The following CHODL variants were observed in gnomAD, a reference collection of about 807,000 sequenced individuals.
CHODL encodes transmembrane protein MT75.
Under a neutral mutation model 34.5 loss-of-function variants are expected in CHODL, and 29 were observed. The observed-to-expected ratio is 0.84, with a 90% CI of 0.63 to 1.15. The LOEUF (loss-of-function observed/expected upper bound fraction) is 1.15. Among genes scored for constraint, CHODL ranks in the 50% most tolerant of loss-of-function variants. The pLI, the probability that CHODL is intolerant of heterozygous loss-of-function variation, is 0.00. For synonymous variants in CHODL, 125 were observed against 116.1 expected, an observed-to-expected ratio of 1.08 and a Z score of -0.49; for missense variants, 332 against 332.5, an observed-to-expected ratio of 1.00 and a Z score of 0.01.
Position 18,266,111 on chromosome 21 carries a change from G to A in CHODL, c.*73G>A. ...AGGAATGGCATCAGAACAATAGCTT[G>A]GAATGGCTTGAAATCACAAAGGATC... On this transcript the variant is annotated 3_prime_UTR_variant, in exon 6 of 6. Transcript: ENST00000299295. 1 of 1,611,516 alleles carries A rather than the reference G, an allele frequency of 6.2e-7. No homozygotes were observed.
At chr21:18,010,177 G>A (rs1377175515) in intron 1 of CHODL, among the ~76,000 whole-genome samples, 1 of 138,932 alleles carries the variant, frequency 7.2e-6, no homozygotes, top group Non-Finnish European at 1.5e-5. Context: ...GGGCCCTGTA[G>A]TCCCAGCTAC....
intron 2 of CHODL, among the ~76,000 whole-genome samples, chr21:18,181,202 C>T (rs1271730417): frequency 1.3e-5 from 2 of 152,078 alleles, no homozygotes; most frequent in African/African-American, 4.8e-5. Context: ...GAATTGTGAA[C>T]TGTTATGTAT....
At chr21:17,991,661 T>A (rs1485124703) in intron 1 of CHODL, among the ~76,000 whole-genome samples, 1 of 73,148 alleles carries the variant, frequency 1.4e-5, no homozygotes, top group East Asian at 2.5e-4. Flanking sequence ...TTATTTGATT[T>A]TTTTTTTTTT....
At chr21:18,180,297 C>T (rs2073366608) in intron 2 of CHODL, among the ~76,000 whole-genome samples, 1 of 152,084 alleles carries the variant, frequency 6.6e-6, no homozygotes. Context: ...GGACCACAGG[C>T]ACGCACCACC....
chr21:18,226,866 A>C (rs1361553150), intron 2 of CHODL, among the ~76,000 whole-genome samples: 1 of 152,156 alleles, frequency 6.6e-6, no homozygotes, highest in African/African-American at 2.4e-5. Context: ...ACATTTTCTG[A>C]AACATTGCTA....
intron 4 of CHODL, 83 bp downstream of exon 4, chr21:18,260,369 TG>T (rs2074366168): frequency 2.3e-6 from 2 of 851,606 alleles, no homozygotes; most frequent in Admixed American, 5.3e-5. Context: ...CAGTGAAACT[TG>T]TCTTGCCTGG....
At chr21:18,090,428 A>G (rs1273355878) in intron 2 of CHODL, among the ~76,000 whole-genome samples, 1 of 152,200 alleles carries the variant, frequency 6.6e-6, no homozygotes, top group Non-Finnish European at 1.5e-5. Context: ...TTGAAACATA[A>G]AAGAGAAAGA....
intron 2 of CHODL, among the ~76,000 whole-genome samples, chr21:18,086,943 T>C (rs1001315126): frequency 1.3e-5 from 2 of 152,076 alleles, no homozygotes; most frequent in Non-Finnish European, 2.9e-5. Flanking sequence ...GTGGCAGTGG[T>C]TAGAGCAATC....
chr21:18,044,107 C>T (rs2064411353), intron 2 of CHODL, among the ~76,000 whole-genome samples: 1 of 151,952 alleles, frequency 6.6e-6, no homozygotes, highest in African/African-American at 2.4e-5. Context: ...TTGAATTCTT[C>T]AGTAAACTGA....
At chr21:18,248,921 ATATGTATACATATATAT>A (rs1202711260) in intron 1 of CHODL, among the ~76,000 whole-genome samples, 6 of 115,030 alleles carry the variant, frequency 5.2e-5, no homozygotes, top group East Asian at 2.2e-4. Context: ...TAATACATAT[ATATGTATACATATATAT>A]TATGTATACA....
chr21:18,149,268 C>T (rs751362848), intron 2 of CHODL, among the ~76,000 whole-genome samples: 2 of 152,182 alleles, frequency 1.3e-5, no homozygotes, highest in Non-Finnish European at 2.9e-5. Context: ...AAAGGGGGCT[C>T]ACACTGAATG....
rs139423531 is a variant in CHODL, at chr21:17,926,666, C to T, written c.-145+9266C>T. ...GTCACGAGAACAACATGACAGAAAC[C>T]GCCCCCACGATTCATTTACCTCCAC... On this transcript the variant is annotated intron_variant, in intron 1 of 6. Transcript: ENST00000400127. Among the ~76,000 whole-genome samples, 64 of 152,140 alleles carry T rather than the reference C, an allele frequency of 4.2e-4. No homozygotes were observed. The East Asian group carries it at 9.5e-3, about 23-fold the overall frequency.
At chr21:18,048,151 C>T (rs1449359898) in intron 2 of CHODL, among the ~76,000 whole-genome samples, 1 of 151,776 alleles carries the variant, frequency 6.6e-6, no homozygotes, top group Non-Finnish European at 1.5e-5. Flanking sequence ...TGAAAGAGGC[C>T]AAACTAAAAA....
chr21:18,173,903 T>G (rs1173142625), intron 2 of CHODL, among the ~76,000 whole-genome samples: 1 of 151,472 alleles, frequency 6.6e-6, no homozygotes, highest in Non-Finnish European at 1.5e-5. Context: ...AAAATTATAA[T>G]GTACATGTTT....
rs190981438 is a variant in CHODL, at chr21:18,197,230, T to C, written c.-44-59279T>C. Among the ~76,000 whole-genome samples the C allele has an allele frequency of 3.6e-3, 548 of 152,272 alleles. 14 individuals are homozygous for C. The South Asian group carries it at 0.079, about 22-fold the overall frequency. On this transcript the variant is annotated intron_variant, in intron 2 of 6. Coordinates refer to the CHODL transcript ENST00000400127. ...ATTTAAGTATATACTTTAATAAAATTTGAGAATGATGTGTTAAATAGCTGT... is the reference window on the plus strand; with the variant it reads ...ATTTAAGTATATACTTTAATAAAATCTGAGAATGATGTGTTAAATAGCTGT...
At chr21:18,231,416 A>G (rs750221925) in intron 2 of CHODL, among the ~76,000 whole-genome samples, 8 of 152,090 alleles carry the variant, frequency 5.3e-5, no homozygotes, top group Non-Finnish European at 8.8e-5. Context: ...CAGTGCTTCC[A>G]TCTGACTTAA....
intron 2 of CHODL, among the ~76,000 whole-genome samples, chr21:18,204,338 C>G (rs2073688674): frequency 6.6e-6 from 1 of 152,006 alleles, no homozygotes; most frequent in Non-Finnish European, 1.5e-5. Context: ...ATTTTTAAAA[C>G]TTTAGGATAA....
At chr21:18,191,643 C>T (rs1212736600) in intron 2 of CHODL, among the ~76,000 whole-genome samples, 11 of 152,074 alleles carry the variant, frequency 7.2e-5, no homozygotes, top group Non-Finnish European at 5.9e-5. Flanking sequence ...GTTTTCATCA[C>T]GTTGTTAGAT....
intron 1 of CHODL, among the ~76,000 whole-genome samples, chr21:17,935,149 T>C (rs755738664): frequency 1.3e-5 from 2 of 152,222 alleles, no homozygotes; most frequent in Non-Finnish European, 2.9e-5. Flanking sequence ...ATTTTGGACC[T>C]GGCAACACCC....
Sources: gnomAD v4.1 joint callset for allele counts (sites outside exome capture counted in the v4.1 genomes callset) on GRCh38, gnomAD v4.1.1 for gene constraint, MANE v1.5 for transcripts, NCBI Gene and HGNC (gene_info 2026-07-23, HGNC 2026-07-21) for gene names.